MGAT5B: variants seen among roughly 807,000 people sequenced by gnomAD.
The protein encoded by MGAT5B is N-acetylglucosaminyl-transferase Vb.
A neutral mutation model predicts 95.1 loss-of-function variants in MGAT5B; 54 were observed. That is an observed-to-expected ratio of 0.57 (90% CI 0.46 to 0.71). MGAT5B has a LOEUF of 0.71. Ranked by LOEUF, MGAT5B falls within the 30% of genes least tolerant of loss-of-function variation. The pLI is 0.00. For missense variants in MGAT5B, 935 were observed against 1,088.6 expected (o/e 0.86, Z 1.99); for synonymous variants, 464 against 451.0 (o/e 1.03, Z -0.36).
intron 11 of MGAT5B, 41 bp from the exon 12 acceptor site, chr17:76,933,249 GTC>G (rs761140377): frequency 1.0e-5 from 16 of 1,597,674 alleles, no homozygotes; most frequent in East Asian, 2.2e-5. Flanking sequence ...CTAACCTGCT[GTC>G]TCTCTCTCTG....
At position 76,917,223 on chromosome 17, in the gene MGAT5B, C is replaced by G. The variant is rs1968969180; in HGVS notation, c.1026-7743C>G. Among the ~76,000 whole-genome samples the G allele has an allele frequency of 6.6e-6, 1 of 152,124 alleles. No homozygotes were observed. The highest frequency in any genetic ancestry group is 6.6e-5 in the Admixed American group (1 of 15,264). ...GGATACGAGTGCGCTGACTGATGAG[C>G]CAGGCAGGTCCGAATGTTCCTCGAA... On this transcript the variant is annotated intron_variant, in intron 8 of 17. Coordinates refer to ENST00000569840, the MANE Select transcript of MGAT5B (RefSeq NM_001199172.2). This position sits in a 1 kb window ranked among gnomAD's most constrained non-coding sequence, Gnocchi z 6.1.
intron 3 of MGAT5B, among the ~76,000 whole-genome samples, chr17:76,886,634 G>GA (rs1967638313): frequency 2.6e-5 from 4 of 152,194 alleles, no homozygotes; most frequent in Non-Finnish European, 5.9e-5. Context: ...GGCTGAGGTG[G>GA]CTGAGCCCGA....
chr17:76,942,516 G>T (rs1057376231), intron 15 of MGAT5B, among the ~76,000 whole-genome samples: 2 of 152,134 alleles, frequency 1.3e-5, no homozygotes, highest in Non-Finnish European at 2.9e-5. Context: ...GACAGAGCGA[G>T]ACTCCATCTC....
intron 8 of MGAT5B, among the ~76,000 whole-genome samples, chr17:76,908,528 A>G (rs1000441343): frequency 1.3e-5 from 2 of 151,350 alleles, no homozygotes; most frequent in Non-Finnish European, 2.9e-5. Flanking sequence ...CAGCCTCCCA[A>G]AGTGCTGGGA....
chr17:76,948,695 T>A lies in MGAT5B; in HGVS notation c.2236T>A (p.Phe746Ile). Residue 746 changes from phenylalanine to isoleucine, a missense_variant, in exon 18 of 18, where the codon TTC becomes ATC. By Grantham distance (21) the Phe-to-Ile change is conservative. Coordinates refer to ENST00000569840, the MANE Select transcript of MGAT5B (RefSeq NM_001199172.2). ...ESEMNHLYPA[F>I]AQPGQECYLQ... is the part of the protein sequence containing the mutation. ...GGAGATGAACCACCTGTACCCGGCG[T>A]TCGCCCAGCCTGGCCAGGAGTGCTA... The A allele has an allele frequency of 6.2e-7, 1 of 1,613,498 alleles. No individual in the cohort carries two copies. Among genetic ancestry groups the A allele is most frequent in the Non-Finnish European group, 8.5e-7 (1 of 1,179,856 alleles).
At chr17:76,907,161 C>G (rs1418895503) in intron 8 of MGAT5B, among the ~76,000 whole-genome samples, 1 of 152,040 alleles carries the variant, frequency 6.6e-6, no homozygotes, top group Non-Finnish European at 1.5e-5. Context: ...AAGCGATTCT[C>G]CTGCCTCAGC....
At chr17:76,886,824 A>T (rs1253838062) in intron 3 of MGAT5B, among the ~76,000 whole-genome samples, 1 of 152,160 alleles carries the variant, frequency 6.6e-6, no homozygotes, top group Non-Finnish European at 1.5e-5. Flanking sequence ...TGGTCGGATC[A>T]CTTGAGGTCA....
At chr17:76,941,147 T>C (rs887779176) in intron 15 of MGAT5B, among the ~76,000 whole-genome samples, 1 of 152,238 alleles carries the variant, frequency 6.6e-6, no homozygotes, top group Non-Finnish European at 1.5e-5. Flanking sequence ...TGGAGCACTT[T>C]TGAGGGCCAG....
At chr17:76,888,857 G>A (rs976555044) in intron 3 of MGAT5B, among the ~76,000 whole-genome samples, 40 of 152,298 alleles carry the variant, frequency 2.6e-4, no homozygotes, top group African/African-American at 8.7e-4. Flanking sequence ...AGAGTTCCCC[G>A]CTGGCCCCGG....
At chr17:76,946,295 C>T in intron 15 of MGAT5B, 81 bp from the exon 16 acceptor site, 2 of 1,239,804 alleles carry the variant, frequency 1.6e-6, no homozygotes, top group South Asian at 1.4e-5. Flanking sequence ...CACCAGACCT[C>T]CACCCCCAAT....
At chr17:76,899,952 G>A (rs1968245071) in intron 3 of MGAT5B, among the ~76,000 whole-genome samples, 1 of 152,210 alleles carries the variant, frequency 6.6e-6, no homozygotes, top group Admixed American at 6.5e-5. Flanking sequence ...CCCTGTGGCT[G>A]CTGCTTCAAC....
At chr17:76,872,776 C>T in intron 1 of MGAT5B, 75 bp from the exon 2 acceptor site, 1 of 1,612,796 alleles carries the variant, frequency 6.2e-7, no homozygotes. Context: ...AACATTTGTG[C>T]AGCCGGTACG....
At chr17:76,944,906 CAGTT>C (rs1263172882) in intron 15 of MGAT5B, among the ~76,000 whole-genome samples, 1 of 152,240 alleles carries the variant, frequency 6.6e-6, no homozygotes, top group Non-Finnish European at 1.5e-5. Context: ...TTGAGTCAAA[CAGTT>C]AGATTTCACC....
At chr17:76,928,346 G>C (rs1203014201) in intron 10 of MGAT5B, among the ~76,000 whole-genome samples, 2 of 152,126 alleles carry the variant, frequency 1.3e-5, no homozygotes, top group African/African-American at 2.4e-5. Flanking sequence ...GGAAATGATG[G>C]TGCTCCGGGC....
chr17:76,918,370 T>C lies in MGAT5B; in HGVS notation c.1026-6596T>C, dbSNP rs934381272. On this transcript the variant is annotated intron_variant, in intron 8 of 17. Transcript: ENST00000569840. The surrounding 1 kb of genome is among the most constrained non-coding windows in gnomAD (Gnocchi z 5.1). ...GCCCTGAACCCTCGAGGGCACAGGG[T>C]ACATGCTGGGGATGCTCAAGGGCAT... Among the ~76,000 whole-genome samples the C allele has an allele frequency of 6.6e-6, 1 of 152,058 alleles. No homozygotes were observed. The highest frequency in any genetic ancestry group is 6.5e-5 in the Admixed American group (1 of 15,268).
rs1262380514 is a variant in MGAT5B, at chr17:76,869,514, C to T, written c.68+417C>T. On this transcript the variant is annotated intron_variant, in intron 1 of 17. Coordinates refer to ENST00000569840, the MANE Select transcript of MGAT5B (RefSeq NM_001199172.2). The surrounding 1 kb of genome is among the most constrained non-coding windows in gnomAD (Gnocchi z 7.0). Reference sequence around the variant, plus strand: ...CCTTGGAGCTCCCCCTCCGGTCCCTCCCGTCCCGCCCGTCTGCCCCTAGGT... The same window carrying T: ...CCTTGGAGCTCCCCCTCCGGTCCCTTCCGTCCCGCCCGTCTGCCCCTAGGT... 1.3e-5 allele frequency among the ~76,000 whole-genome samples: 2 copies of T among 152,154 alleles called. No homozygotes were observed. The highest frequency in any genetic ancestry group is 6.5e-5 in the Admixed American group (1 of 15,286).
intron 3 of MGAT5B, among the ~76,000 whole-genome samples, chr17:76,884,904 A>G (rs990964733): frequency 6.7e-6 from 1 of 148,226 alleles, no homozygotes; most frequent in Non-Finnish European, 1.5e-5. Context: ...GCCCGGCCTA[A>G]GTTTTGTATT....
chr17:76,935,261 G>A, intron 12 of MGAT5B, among the ~76,000 whole-genome samples: 1 of 152,166 alleles, frequency 6.6e-6, no homozygotes, highest in East Asian at 1.9e-4. Context: ...TCAATCCGTA[G>A]GTGGCAACCC....
rs767768038 is a variant in MGAT5B at position 76,925,006 on chromosome 17, A to C, written c.1066A>C (p.Thr356Pro). The change falls in exon 9 of 18, where the codon ACC becomes CCC. Residue 356 changes from threonine to proline, a missense_variant. Around this residue, in one of 4 missense-constraint regions of MGAT5B, gnomAD observed 243 missense variants for 305.5 expected, o/e 0.80. Transcript: ENST00000569840. Reference sequence around the variant, plus strand: ...GCCAGGCCGGGGAAGCTGCCCGCTCACCATGCCCCTGCCCTTCGACCTCAT... The same window carrying C: ...GCCAGGCCGGGGAAGCTGCCCGCTCCCCATGCCCCTGCCCTTCGACCTCAT... ...VPPGRGSCPLTMPLPFDLIYT... is the reference protein window; with the variant it reads ...VPPGRGSCPLPMPLPFDLIYT... 1.9e-6 allele frequency: 3 copies of C among 1,597,746 alleles called. No individual in the cohort carries two copies. The highest frequency in any genetic ancestry group is 8.5e-7 in the Non-Finnish European group (1 of 1,172,420).
Sources: allele counts gnomAD v4.1 joint callset (sites outside exome capture counted in the v4.1 genomes callset), GRCh38; gene constraint gnomAD v4.1.1; regional missense constraint gnomAD v4.1.1; non-coding constraint Gnocchi (gnomAD v3.1); transcripts MANE v1.5; gene names NCBI Gene and HGNC (gene_info 2026-07-23, HGNC 2026-07-21).